ADTRP: variants seen among roughly 807,000 people sequenced by gnomAD.
ADTRP encodes the protein androgen dependent TFPI regulating protein, also known as androgen-dependent TFPI-regulating protein.
In ADTRP, 20 loss-of-function variants were observed where a neutral mutation model predicts 27.0. The ratio of observed to expected loss-of-function variants is 0.74; its 90% CI spans 0.52 to 1.08. The LOEUF (loss-of-function observed/expected upper bound fraction) is 1.08. Among genes scored for constraint, ADTRP ranks in the 50% least tolerant of loss-of-function variants. The pLI, the probability that ADTRP is intolerant of heterozygous loss-of-function variation, is 0.00. For synonymous variants in ADTRP, 101 were observed against 105.2 expected (o/e 0.96, Z 0.25); for missense variants, 251 against 275.0 (o/e 0.91, Z 0.62).
intron 3 of ADTRP, among the ~76,000 whole-genome samples, chr6:11,752,376 C>G (rs929300139): frequency 5.3e-5 from 8 of 151,958 alleles, no homozygotes; most frequent in Non-Finnish European, 1.2e-4. Flanking sequence ...CATTAAAGAT[C>G]ATTGGCATGA....
intron 3 of ADTRP, among the ~76,000 whole-genome samples, chr6:11,765,319 GTTTGTTT>G (rs1763530365): frequency 8.9e-6 from 1 of 112,526 alleles, no homozygotes; most frequent in South Asian, 3.0e-4. Context: ...CTTTCCCCTG[GTTTGTTT>G]TTTTTTTTTT....
intron 5 of ADTRP, chr6:11,717,231 C>T: frequency 2.4e-6 from 3 of 1,249,326 alleles, no homozygotes; most frequent in East Asian, 6.2e-5. Flanking sequence ...TTAGATTCAC[C>T]CCGACTTGTT....
Position 11,778,788 on chromosome 6 carries a change from G to A in ADTRP, c.-29C>T, listed in dbSNP as rs1561781697. ...GAGTGCTGACCGGGGCACCGTGAAT[G>A]TCTTGAGTACTTTCTGGCGTCCTTC... On this transcript the variant is annotated 5_prime_UTR_variant, in exon 1 of 6. Transcript: ENST00000414691. The A allele has an allele frequency of 4.4e-6, 7 of 1,608,498 alleles. No homozygotes were observed. Among genetic ancestry groups the A allele is most frequent in the Non-Finnish European group, 6.0e-6 (7 of 1,176,252 alleles).
intron 3 of ADTRP, among the ~76,000 whole-genome samples, chr6:11,753,557 T>C (rs1332414312): frequency 6.6e-6 from 1 of 152,228 alleles, no homozygotes; most frequent in East Asian, 1.9e-4. Context: ...CTTCTGACTC[T>C]GACATTAGGT....
At chr6:11,729,354 T>A (rs1187842999) in intron 4 of ADTRP, among the ~76,000 whole-genome samples, 2 of 152,066 alleles carry the variant, frequency 1.3e-5, no homozygotes, top group Non-Finnish European at 2.9e-5. Context: ...ATCACGGCAT[T>A]TAGAGCTGTT....
chr6:11,767,992 C>T (rs1581367536), intron 2 of ADTRP, among the ~76,000 whole-genome samples: 1 of 152,202 alleles, frequency 6.6e-6, no homozygotes, highest in South Asian at 2.1e-4. Context: ...GTCTTTCAAA[C>T]TTCCCCATTA....
intron 1 of ADTRP, among the ~76,000 whole-genome samples, chr6:11,774,824 G>A (rs1359031747): frequency 6.6e-6 from 1 of 152,160 alleles, no homozygotes; most frequent in Non-Finnish European, 1.5e-5. Context: ...TATTCTCTGG[G>A]ATTAGGGACA....
rs76734036 is a variant in ADTRP at position 11,746,395 on chromosome 6, C to T, written c.391-10712G>A. 6.9e-3 allele frequency among the ~76,000 whole-genome samples: 1,046 copies of T among 152,258 alleles called. 13 individuals are homozygous for T. Among genetic ancestry groups the T allele is most frequent in the African/African-American group, 0.024 (1,006 of 41,544 alleles). On this transcript the variant is annotated intron_variant, in intron 3 of 5. Transcript: ENST00000414691. The stretch of plus-strand genomic sequence containing the variant: ...GGTTTCTAAACCTCTGCACTGTTGA[C>T]GTTTTAGAATCCATAAGTCTTTGTG...
intron 5 of ADTRP, 32 bp from the exon 6 acceptor site, chr6:11,714,544 G>A: frequency 6.2e-7 from 1 of 1,602,126 alleles, no homozygotes; most frequent in Non-Finnish European, 8.5e-7. Context: ...CAGACCTCAG[G>A]CTTCAGGCTT....
intron 3 of ADTRP, among the ~76,000 whole-genome samples, chr6:11,737,976 G>A (rs1419524441): frequency 6.6e-6 from 1 of 152,094 alleles, no homozygotes; most frequent in Admixed American, 6.5e-5. Context: ...TCTAACCCTG[G>A]GCTAGTGACC....
At chr6:11,735,780 A>G (rs1762529829) in intron 3 of ADTRP, 97 bp from the exon 4 acceptor site, 2 of 816,578 alleles carry the variant, frequency 2.4e-6, no homozygotes, top group Admixed American at 2.2e-5. Context: ...CCTCTTACAC[A>G]CTGCTAGATG....
rs971798773 is a variant in ADTRP at position 11,755,129 on chromosome 6, G to C, written c.390+11145C>G. On this transcript the variant is annotated intron_variant, in intron 3 of 5. Coordinates refer to ENST00000414691, the MANE Select transcript of ADTRP (RefSeq NM_032744.4). ...AGCACTGGTTGATTCACACAGGAGA[G>C]GGACTCACCAGCAAGCCCTCAAGGT... 3.1e-6 allele frequency: 3 copies of C among 960,880 alleles called. No individual in the cohort carries two copies. The African/African-American group carries it at 5.3e-5, about 17-fold the overall frequency. The allele number at this position is 960,880 out of a possible 1,614,324, so 59.5% of individuals were successfully genotyped here.
At chr6:11,770,236 A>G in intron 1 of ADTRP, 1 of 719,932 alleles carries the variant, frequency 1.4e-6, no homozygotes. Flanking sequence ...ACCCCCAGAG[A>G]TTCTAATGTA....
intron 3 of ADTRP, among the ~76,000 whole-genome samples, chr6:11,748,247 A>G (rs1762929854): frequency 6.6e-6 from 1 of 152,138 alleles, no homozygotes; most frequent in South Asian, 2.1e-4. Flanking sequence ...ATAAAAGAAC[A>G]CTCCAAAGTG....
intron 1 of ADTRP, among the ~76,000 whole-genome samples, chr6:11,768,953 A>G (rs924286348): frequency 4.6e-5 from 7 of 152,192 alleles, no homozygotes; most frequent in African/African-American, 1.7e-4. Context: ...GGGCACCTGC[A>G]GGCCTCACCG....
At chr6:11,717,747 G>T (rs1761878853) in intron 5 of ADTRP, among the ~76,000 whole-genome samples, 1 of 152,234 alleles carries the variant, frequency 6.6e-6, no homozygotes, top group African/African-American at 2.4e-5. Context: ...CTGAGGGCTG[G>T]CTGGAGAAAC....
At chr6:11,754,888 C>T (rs1288175254) in intron 3 of ADTRP, 2 of 299,716 alleles carry the variant, frequency 6.7e-6, no homozygotes, top group Non-Finnish European at 9.8e-6. Context: ...AGAGAAGGCG[C>T]TCTCATCCGC....
intron 3 of ADTRP, among the ~76,000 whole-genome samples, chr6:11,752,967 T>C (rs1234314464): frequency 1.3e-5 from 2 of 152,220 alleles, no homozygotes; most frequent in African/African-American, 4.8e-5. Context: ...AATATATTTG[T>C]TTCTGATAAC....
chr6:11,735,962 C>T (rs182840482), intron 3 of ADTRP: 18 of 242,454 alleles, frequency 7.4e-5, no homozygotes, highest in South Asian at 1.2e-4. Flanking sequence ...TTTTTTTTGG[C>T]GGGGGTGGGG....
Sources: gnomAD v4.1 joint callset for allele counts (sites outside exome capture counted in the v4.1 genomes callset) on GRCh38, gnomAD v4.1.1 for gene constraint, MANE v1.5 for transcripts, NCBI Gene and HGNC (gene_info 2026-07-23, HGNC 2026-07-21) for gene names.